The following DPYD variants were observed in gnomAD, a reference collection of about 807,000 sequenced individuals.
DPYD encodes the protein dihydropyrimidine dehydrogenase [NADP(+)].
A neutral mutation model predicts 116.2 loss-of-function variants in DPYD; 109 were observed. The observed-to-expected ratio is 0.94, with a 90% CI of 0.80 to 1.10. DPYD has a LOEUF of 1.10. DPYD is among the 50% of genes least tolerant of loss of function. DPYD has a pLI of 0.00. For missense variants in DPYD, 1,302 were observed against 1,254.5 expected (o/e 1.04, Z -0.57); for synonymous variants, 440 against 432.0 (o/e 1.02, Z -0.23).
chr1:97,918,193 T>A (rs1235591830), intron 1 of DPYD, among the ~76,000 whole-genome samples: 1 of 152,242 alleles, frequency 6.6e-6, no homozygotes, highest in East Asian at 1.9e-4. Context: ...TATATTTTTC[T>A]GTTATCTTTA....
intron 14 of DPYD, among the ~76,000 whole-genome samples, chr1:97,445,199 A>C (rs1676009555): frequency 6.6e-6 from 1 of 152,148 alleles, no homozygotes; most frequent in Non-Finnish European, 1.5e-5. Flanking sequence ...TGGACAAGAG[A>C]TGGATTTTAG....
intron 14 of DPYD, among the ~76,000 whole-genome samples, chr1:97,407,182 T>G (rs1673708540): frequency 6.6e-6 from 1 of 152,132 alleles, no homozygotes; most frequent in African/African-American, 2.4e-5. Context: ...AGGTTAATAA[T>G]AAAATAATGA....
chr1:97,655,807 G>A (rs115868362), intron 8 of DPYD, among the ~76,000 whole-genome samples: 1,625 of 152,260 alleles, frequency 0.011, 32 homozygotes, highest in African/African-American at 0.037. Flanking sequence ...ATGTTAGCTT[G>A]TGTTGTGAGC....
At chr1:97,323,577 A>G (rs1306837582) in intron 16 of DPYD, among the ~76,000 whole-genome samples, 1 of 98,390 alleles carries the variant, frequency 1.0e-5, no homozygotes, top group Non-Finnish European at 2.1e-5. Flanking sequence ...ACACGTATAT[A>G]TACATATCAT....
chr1:97,635,292 A>C (rs1410996457), intron 8 of DPYD, among the ~76,000 whole-genome samples: 1 of 152,104 alleles, frequency 6.6e-6, no homozygotes, highest in Non-Finnish European at 1.5e-5. Flanking sequence ...CATTCCCAAA[A>C]GGCTGAACCT....
At chr1:97,388,500 A>G (rs1570646180) in intron 14 of DPYD, among the ~76,000 whole-genome samples, 2 of 152,118 alleles carry the variant, frequency 1.3e-5, no homozygotes, top group East Asian at 3.9e-4. Context: ...TGTCGTGCCA[A>G]GAGAAGGAAG....
intron 1 of DPYD, among the ~76,000 whole-genome samples, chr1:97,911,520 G>C (rs1447284081): frequency 6.6e-6 from 1 of 151,948 alleles, no homozygotes; most frequent in Non-Finnish European, 1.5e-5. Context: ...TTTGTATGTG[G>C]GAGAAAAATG....
chr1:97,607,346 T>A (rs1293957651), intron 8 of DPYD, among the ~76,000 whole-genome samples: 2 of 151,942 alleles, frequency 1.3e-5, no homozygotes, highest in East Asian at 1.9e-4. Context: ...AATTTTTTTT[T>A]ATTACATGTC....
intron 5 of DPYD, among the ~76,000 whole-genome samples, chr1:97,705,426 T>C (rs571022188): frequency 8.5e-5 from 13 of 152,214 alleles, no homozygotes; most frequent in African/African-American, 2.6e-4. Context: ...AAATGATGGT[T>C]TTCAGCTTCA....
intron 18 of DPYD, among the ~76,000 whole-genome samples, chr1:97,300,166 G>A (rs74104341): frequency 1.1e-3 from 168 of 152,130 alleles, no homozygotes; most frequent in African/African-American, 4.0e-3. Flanking sequence ...GTGAATAACA[G>A]GCCAGATTTT....
At chr1:97,088,684 A>C (rs1471404635) in intron 21 of DPYD, among the ~76,000 whole-genome samples, 2 of 152,040 alleles carry the variant, frequency 1.3e-5, no homozygotes, top group East Asian at 3.9e-4. Flanking sequence ...TTTGATAGAT[A>C]CTGCTTCTCC....
intron 13 of DPYD, among the ~76,000 whole-genome samples, chr1:97,461,002 A>C (rs1570769898): frequency 1.3e-5 from 2 of 149,986 alleles, no homozygotes; most frequent in African/African-American, 2.5e-5. Context: ...GCGCCATTGC[A>C]CTCTAGCCTG....
intron 10 of DPYD, among the ~76,000 whole-genome samples, chr1:97,585,114 C>T (rs1654006196): frequency 6.6e-6 from 1 of 152,032 alleles, no homozygotes; most frequent in African/African-American, 2.4e-5. Flanking sequence ...AATATATTGG[C>T]TAATTCAACA....
chr1:97,888,116 T>C (rs748200780), intron 1 of DPYD, among the ~76,000 whole-genome samples: 4 of 152,044 alleles, frequency 2.6e-5, no homozygotes, highest in Non-Finnish European at 5.9e-5. Context: ...ATGATGACAA[T>C]GTCTTAGAGA....
chr1:97,150,494 G>A (rs1654934647), intron 20 of DPYD, among the ~76,000 whole-genome samples: 1 of 152,104 alleles, frequency 6.6e-6, no homozygotes, highest in African/African-American at 2.4e-5. Context: ...TTTTCACGTA[G>A]GTAAAATATA....
intron 14 of DPYD, among the ~76,000 whole-genome samples, chr1:97,387,336 C>A (rs1258523767): frequency 6.6e-6 from 1 of 152,094 alleles, no homozygotes; most frequent in Non-Finnish European, 1.5e-5. Context: ...ATTGACTTAG[C>A]ATTTTCGTGT....
At chr1:97,146,353 C>T (rs564466856) in intron 20 of DPYD, among the ~76,000 whole-genome samples, 5 of 152,100 alleles carry the variant, frequency 3.3e-5, no homozygotes, top group Non-Finnish European at 7.3e-5. Context: ...AAGATATTAT[C>T]GATAATTACA....
chr1:97,442,486 T>C (rs1675853000), intron 14 of DPYD, among the ~76,000 whole-genome samples: 1 of 151,792 alleles, frequency 6.6e-6, no homozygotes, highest in Non-Finnish European at 1.5e-5. Context: ...GATTCATTTT[T>C]TGCTACCCTT....
intron 16 of DPYD, among the ~76,000 whole-genome samples, chr1:97,320,381 A>G (rs1374137397): frequency 1.5e-5 from 1 of 68,530 alleles, no homozygotes; most frequent in East Asian, 3.7e-4. Context: ...CAACTTCAGC[A>G]AAGTCTCAGG....
Sources: gnomAD v4.1 joint callset for allele counts (sites outside exome capture counted in the v4.1 genomes callset) on GRCh38, gnomAD v4.1.1 for gene constraint, MANE v1.5 for transcripts, NCBI Gene and HGNC (gene_info 2026-07-23, HGNC 2026-07-21) for gene names.